CPEB3: variants seen among roughly 807,000 people sequenced by gnomAD.
CPEB3 encodes cytoplasmic polyadenylation element binding protein 3.
Under a neutral mutation model 67.2 loss-of-function variants are expected in CPEB3, and 20 were observed. That is an observed-to-expected ratio of 0.30 (90% CI 0.21 to 0.43). The LOEUF is 0.43. Ranked by LOEUF, CPEB3 falls within the 20% of genes least tolerant of loss-of-function variation. The pLI is 1.00. For synonymous variants in CPEB3, 376 were observed against 393.1 expected, an observed-to-expected ratio of 0.96 and a Z score of 0.51; for missense variants, 746 against 968.6, an observed-to-expected ratio of 0.77 and a Z score of 3.05.
chr10:92,052,404 C>T lies in CPEB3; in HGVS notation c.1905G>A (p.Met635Ile). 1 of 1,614,166 alleles carries T rather than the reference C, an allele frequency of 6.2e-7. No individual in the cohort carries two copies. Among genetic ancestry groups the T allele is most frequent in the South Asian group, 1.1e-5 (1 of 91,088 alleles). ...EVKPYVLDDQMCDECQGTRCG... is the reference protein window; with the variant it reads ...EVKPYVLDDQICDECQGTRCG... ...AGCGTGTGCCCTGGCACTCATCACA[C>T]ATCTGATCATCCAGCACATATGGCT... The change falls in exon 10 of 10, where the codon ATG becomes ATA. Residue 635 changes from methionine (M) to isoleucine (I), a missense_variant. By Grantham distance (10) the Met-to-Ile change is conservative. This residue lies in a region of CPEB3 where 103 missense variants were observed against 251.1 expected (regional missense o/e 0.41). Transcript: ENST00000265997.
chr10:92,147,685 A>G (rs551419286), intron 4 of CPEB3, among the ~76,000 whole-genome samples: 9 of 152,170 alleles, frequency 5.9e-5, no homozygotes, highest in Non-Finnish European at 1.2e-4. Flanking sequence ...CAAGTGACAC[A>G]AGAACACAAC....
upstream of CPEB3, chr10:92,291,157 G>A (rs922011387): frequency 9.4e-6 from 4 of 427,528 alleles, no homozygotes; most frequent in African/African-American, 6.4e-5. Context: ...GCACGGAGGC[G>A]GCGACTCTTA....
intron 4 of CPEB3, among the ~76,000 whole-genome samples, chr10:92,153,996 C>T (rs1847088365): frequency 6.6e-6 from 1 of 151,860 alleles, no homozygotes; most frequent in Admixed American, 6.6e-5. Flanking sequence ...CTCCTTACTG[C>T]TCTATAACTA....
intron 1 of CPEB3, among the ~76,000 whole-genome samples, chr10:92,269,618 C>T (rs535566521): frequency 1.4e-4 from 22 of 152,148 alleles, no homozygotes; most frequent in Admixed American, 8.5e-4. Context: ...AGTGCAATGG[C>T]GCAATCTCGG....
chr10:92,051,115 A>G lies in CPEB3; in HGVS notation c.*1097T>C, dbSNP rs1776209. ...AGAATATCCTACACCTAGGTTTTAT[A>G]TCGGTTGTAATATAGGTCATTCTGT... On this transcript the variant is annotated 3_prime_UTR_variant, in exon 10 of 10. Transcript: ENST00000265997. 38,695 of 152,456 alleles carry G rather than the reference A, an allele frequency of 0.25. 6,301 individuals carry two copies. Among genetic ancestry groups the G allele is most frequent in the South Asian group, 0.51 (2,476 of 4,824 alleles). 9.4% of individuals were successfully genotyped at this position (152,456 alleles called of 1,614,324 possible). A position where few individuals can be genotyped will look rare whatever the true frequency, so the allele number is the denominator to read the frequency against.
At position 92,143,127 on chromosome 10, in the gene CPEB3, C is replaced by G. The variant is rs763650345; in HGVS notation, c.1364-9G>C. ...GCTGGCAGTGATCTCATCTACAAAA[C>G]AAAGAAAGAATCTTAGCAAAAGAGA... On this transcript the variant is annotated splice_polypyrimidine_tract_variant and intron_variant, in intron 5 of 9. Coordinates refer to ENST00000265997, the MANE Select transcript of CPEB3 (RefSeq NM_014912.5). 7.5e-6 allele frequency: 12 copies of G among 1,604,034 alleles called. No homozygotes were observed. The highest frequency in any genetic ancestry group is 1.1e-5 in the South Asian group (1 of 90,010).
intron 8 of CPEB3, among the ~76,000 whole-genome samples, chr10:92,084,821 C>T (rs546961600): frequency 9.2e-5 from 14 of 152,228 alleles, no homozygotes; most frequent in Middle Eastern, 3.4e-3. Context: ...CCTCATGATC[C>T]GCCTGCCTCG....
intron 3 of CPEB3, among the ~76,000 whole-genome samples, chr10:92,189,573 C>T (rs564461086): frequency 6.6e-6 from 1 of 152,250 alleles, no homozygotes; most frequent in African/African-American, 2.4e-5. Context: ...ACCCAGGTTT[C>T]ACTGACTGCA....
intron 6 of CPEB3, among the ~76,000 whole-genome samples, chr10:92,115,431 C>T (rs1439863777): frequency 6.6e-6 from 1 of 152,184 alleles, no homozygotes; most frequent in Non-Finnish European, 1.5e-5. Flanking sequence ...GGATTACAGG[C>T]GTAAGCCACT....
intron 9 of CPEB3, among the ~76,000 whole-genome samples, chr10:92,065,851 T>C (rs1402531686): frequency 6.6e-6 from 1 of 151,820 alleles, no homozygotes; most frequent in African/African-American, 2.4e-5. Flanking sequence ...TCCAGCACAT[T>C]GGGAGGCTGA....
intron 2 of CPEB3, among the ~76,000 whole-genome samples, chr10:92,233,358 G>A (rs902611631): frequency 7.9e-5 from 12 of 151,828 alleles, no homozygotes; most frequent in Non-Finnish European, 1.6e-4. Flanking sequence ...GTGAAACCCC[G>A]TCACCCTGTC....
At chr10:92,169,441 A>C (rs536968870) in intron 4 of CPEB3, among the ~76,000 whole-genome samples, 1 of 152,304 alleles carries the variant, frequency 6.6e-6, no homozygotes, top group Non-Finnish European at 1.5e-5. Flanking sequence ...ACCTGACCTC[A>C]AGCAGTTCTT....
chr10:92,085,305 C>T (rs986150154), intron 8 of CPEB3, among the ~76,000 whole-genome samples: 1 of 152,158 alleles, frequency 6.6e-6, no homozygotes, highest in Admixed American at 6.5e-5. Flanking sequence ...GGGAAGATGG[C>T]GGTCTAATAG....
chr10:92,132,675 C>T (rs1342585769), intron 6 of CPEB3, among the ~76,000 whole-genome samples: 4 of 152,116 alleles, frequency 2.6e-5, no homozygotes, highest in South Asian at 2.1e-4. Context: ...AACTAATAGA[C>T]GTCTACAGAA....
At chr10:92,273,716 T>C (rs17107517) in intron 1 of CPEB3, among the ~76,000 whole-genome samples, 53,370 of 152,038 alleles carry the variant, frequency 0.35, 10,516 homozygotes, top group African/African-American at 0.52. Flanking sequence ...TATTAATTGC[T>C]TATTCCCAGC....
intron 6 of CPEB3, among the ~76,000 whole-genome samples, chr10:92,116,819 T>A (rs1291245940): frequency 6.6e-6 from 1 of 152,082 alleles, no homozygotes; most frequent in Admixed American, 6.5e-5. Flanking sequence ...GTAGAATGGA[T>A]GGCCGAAAAT....
At chr10:92,248,956 A>C (rs554141146) in intron 1 of CPEB3, among the ~76,000 whole-genome samples, 1 of 152,312 alleles carries the variant, frequency 6.6e-6, no homozygotes, top group South Asian at 2.1e-4. Context: ...CAAAGATTAT[A>C]ATGAAGCTGA....
intron 4 of CPEB3, among the ~76,000 whole-genome samples, chr10:92,178,161 C>CT (rs1047680848): frequency 0.015 from 2,112 of 139,804 alleles, 18 homozygotes; most frequent in East Asian, 0.025. Flanking sequence ...TCAATTATTC[C>CT]TTTTTTTTTT....
chr10:92,175,888 G>A (rs1011571773), intron 4 of CPEB3, among the ~76,000 whole-genome samples: 12 of 151,988 alleles, frequency 7.9e-5, no homozygotes, highest in Non-Finnish European at 1.6e-4. Context: ...TCAAGAGTTC[G>A]AGACCAGCCT....
Sources: allele counts gnomAD v4.1 joint callset (sites outside exome capture counted in the v4.1 genomes callset), GRCh38; gene constraint gnomAD v4.1.1; regional missense constraint gnomAD v4.1.1; transcripts MANE v1.5; gene names NCBI Gene and HGNC (gene_info 2026-07-23, HGNC 2026-07-21).